The following ENTPD5 variants were observed in gnomAD, a reference collection of about 807,000 sequenced individuals.
ENTPD5 encodes ectonucleoside triphosphate diphosphohydrolase 5 (inactive), also known as nucleoside diphosphate phosphatase ENTPD5.
In ENTPD5, 49 loss-of-function variants were observed where a neutral mutation model predicts 60.2. The observed-to-expected ratio is 0.81, with a 90% CI of 0.65 to 1.03. The LOEUF is 1.03. Among genes scored for constraint, ENTPD5 ranks in the 50% least tolerant of loss-of-function variants. ENTPD5 has a pLI of 0.00. For synonymous variants in ENTPD5, 187 were observed against 185.4 expected (o/e 1.01, Z -0.07); for missense variants, 480 against 507.6 (o/e 0.95, Z 0.52).
In ENTPD5 at chr14:73,986,893, C is replaced by G. The variant is rs1055406393; in HGVS notation, c.218G>C (p.Gly73Ala). ...TTCCCCTTCTAGAATTGGAAGCTGT[C>G]CTATTTTGTCCATGGAACAAAACAG... The part of the protein sequence containing the change: ...HVYTFVQKMP[G>A]QLPILEGEVF... The change falls in exon 5 of 16, where the codon GGA becomes GCA. Residue 73 changes from glycine to alanine, a missense_variant and splice_region_variant. By Grantham distance (60) the Gly-to-Ala change is moderately conservative. Coordinates refer to ENST00000334696, the MANE Select transcript of ENTPD5 (RefSeq NM_001249.5). The G allele has an allele frequency of 3.1e-6, 5 of 1,613,160 alleles. No homozygotes were observed. Among genetic ancestry groups the G allele is most frequent in the Middle Eastern group, 3.3e-4 (2 of 6,084 alleles).
intron 1 of ENTPD5, among the ~76,000 whole-genome samples, chr14:74,017,606 C>A (rs956246730): frequency 1.3e-5 from 2 of 149,816 alleles, no homozygotes; most frequent in Non-Finnish European, 3.0e-5. Context: ...ATTTTACAGC[C>A]GGGGGCGGTG....
At chr14:74,011,676 T>C (rs1006101768) in intron 2 of ENTPD5, among the ~76,000 whole-genome samples, 1 of 152,158 alleles carries the variant, frequency 6.6e-6, no homozygotes. Context: ...CATGTGCCTG[T>C]AGTCCCAGCT....
At chr14:73,973,854 A>T in intron 12 of ENTPD5, 23 bp downstream of exon 12, 1 of 1,595,676 alleles carries the variant, frequency 6.3e-7, no homozygotes, top group Non-Finnish European at 8.6e-7. Context: ...CGTAACTTTA[A>T]CCAGTGAAAA....
downstream of ENTPD5, chr14:73,958,765 G>A: frequency 6.8e-7 from 1 of 1,477,768 alleles, no homozygotes; most frequent in Non-Finnish European, 9.0e-7. Flanking sequence ...CACCTGTTCA[G>A]TCATGTCCAG....
At chr14:74,015,502 G>A (rs770786216) in intron 2 of ENTPD5, among the ~76,000 whole-genome samples, 2 of 151,542 alleles carry the variant, frequency 1.3e-5, no homozygotes, top group Non-Finnish European at 2.9e-5. Context: ...CAGGTACATG[G>A]CCACCACACC....
chr14:73,957,823 A>G (rs2140393381), downstream of ENTPD5, among the ~76,000 whole-genome samples: 1 of 152,310 alleles, frequency 6.6e-6, no homozygotes, highest in South Asian at 2.1e-4. Flanking sequence ...AGCCTATGGT[A>G]TTCCCAGCCT....
At chr14:73,959,145 T>C (rs146605584), downstream of ENTPD5, 8 of 1,614,166 alleles carry the variant, frequency 5.0e-6, no homozygotes, top group African/African-American at 6.7e-5. Flanking sequence ...GAGAAACTTT[T>C]CTCCTCTCTG....
chr14:74,009,121 G>A (rs772566451), intron 3 of ENTPD5: 10 of 152,076 alleles, frequency 6.6e-5, no homozygotes, highest in East Asian at 1.9e-4. Context: ...GAGGAAAGCT[G>A]TTGCTATTGT....
At chr14:73,989,057 C>T (rs1384077738) in intron 3 of ENTPD5, among the ~76,000 whole-genome samples, 1 of 151,500 alleles carries the variant, frequency 6.6e-6, no homozygotes, top group African/African-American at 2.4e-5. Context: ...CTCCTGACCT[C>T]GTGATCCACC....
At chr14:73,955,882 T>C (rs1306809044), downstream of ENTPD5, 7 of 1,614,160 alleles carry the variant, frequency 4.3e-6, no homozygotes, top group Non-Finnish European at 5.9e-6. Flanking sequence ...TCGTGGAGAA[T>C]GATGTCATCA....
chr14:73,997,310 TG>T, intron 3 of ENTPD5, among the ~76,000 whole-genome samples: 1 of 152,130 alleles, frequency 6.6e-6, no homozygotes, highest in Non-Finnish European at 1.5e-5. Flanking sequence ...TGAGATTGAT[TG>T]TTAGTTATGT....
At chr14:73,972,828 C>T in intron 13 of ENTPD5, 56 bp downstream of exon 13, 1 of 1,586,726 alleles carries the variant, frequency 6.3e-7, no homozygotes, top group South Asian at 1.1e-5. Flanking sequence ...CCTTGACCTT[C>T]CCCACCACAG....
chr14:73,982,470 A>G (rs751874900), intron 6 of ENTPD5, among the ~76,000 whole-genome samples: 3 of 152,084 alleles, frequency 2.0e-5, no homozygotes, highest in Non-Finnish European at 4.4e-5. Context: ...AGAATGAAGA[A>G]TATCAGCCAG....
Position 73,966,009 on chromosome 14 carries a change from C to G in ENTPD5, c.*919G>C, listed in dbSNP as rs985647487. The G allele has an allele frequency of 2.0e-5, 3 of 152,210 alleles. No homozygotes were observed. The highest frequency in any genetic ancestry group is 4.4e-5 in the Non-Finnish European group (3 of 68,060). The allele number at this position is 152,210 out of a possible 1,614,324, so 9.4% of individuals were successfully genotyped here. On this transcript the variant is annotated 3_prime_UTR_variant, in exon 16 of 16. Coordinates refer to ENST00000334696, the MANE Select transcript of ENTPD5 (RefSeq NM_001249.5). The stretch of plus-strand genomic sequence containing the variant: ...CAAACGGAGAGAATAAAAGGGCAAA[C>G]TGAAATAATAGATCCTGGAATAGCA...
chr14:73,991,338 A>G (rs1444264746), intron 3 of ENTPD5, among the ~76,000 whole-genome samples: 1 of 152,110 alleles, frequency 6.6e-6, no homozygotes, highest in Non-Finnish European at 1.5e-5. Context: ...CTGTAATCCC[A>G]GCACTTTGGG....
At chr14:74,005,278 A>AG (rs1412565425) in intron 3 of ENTPD5, among the ~76,000 whole-genome samples, 1 of 118,350 alleles carries the variant, frequency 8.4e-6, no homozygotes, top group Non-Finnish European at 1.7e-5. Flanking sequence ...AAAAAAAAAA[A>AG]AAAGAAAAAA....
rs2057009538 is a variant in ENTPD5 at position 73,967,138 on chromosome 14, A to G, written c.1201-124T>C. ...GGCAAACCAAGGCAAAACGGACAGA[A>G]GCCAGTCTTTGCAGGCTTCCCACTA... is the stretch of plus-strand genomic sequence containing the variant. On this transcript the variant is annotated intron_variant, in intron 15 of 15. Coordinates refer to ENST00000334696, the MANE Select transcript of ENTPD5 (RefSeq NM_001249.5). 9 of 733,300 alleles carry G rather than the reference A, an allele frequency of 1.2e-5. No individual in the cohort carries two copies. The South Asian group carries it at 1.4e-4, about 11-fold the overall frequency. 45.4% of individuals were successfully genotyped at this position (733,300 alleles called of 1,614,324 possible). A position where few individuals can be genotyped will look rare whatever the true frequency, so the allele number is the denominator to read the frequency against.
intron 4 of ENTPD5, 104 bp downstream of exon 4, chr14:73,987,782 G>A: frequency 9.9e-7 from 1 of 1,008,962 alleles, no homozygotes; most frequent in Non-Finnish European, 1.5e-6. Context: ...CACTAGGTGT[G>A]AGATTCTGTA....
rs2056839725 is a variant in ENTPD5, at chr14:73,963,301, T to C, written c.*3627A>G. The C allele has an allele frequency of 2.1e-6, 1 of 470,142 alleles. No individual in the cohort carries two copies. The allele number at this position is 470,142 out of a possible 1,614,324, so 29.1% of individuals were successfully genotyped here. On this transcript the variant is annotated 3_prime_UTR_variant, in exon 16 of 16. Transcript: ENST00000334696. ...GTCTCACTCATTTCCAGTTAATCAT[T>C]TCTAAAGAGAAAATTTACATTTTGT...
Sources: allele counts gnomAD v4.1 joint callset (sites outside exome capture counted in the v4.1 genomes callset), GRCh38; gene constraint gnomAD v4.1.1; transcripts MANE v1.5; gene names NCBI Gene and HGNC (gene_info 2026-07-23, HGNC 2026-07-21).